The following ADARB2 variants were observed in gnomAD, a reference collection of about 807,000 sequenced individuals.
The protein encoded by ADARB2 is inactive double-stranded RNA-specific editase B2.
Under a neutral mutation model 62.2 loss-of-function variants are expected in ADARB2, and 25 were observed. The observed-to-expected ratio is 0.40, with a 90% CI of 0.29 to 0.56. ADARB2 has a LOEUF of 0.56. ADARB2 is among the 20% of genes least tolerant of loss of function. The pLI is 0.43. For missense variants in ADARB2, 1,071 were observed against 1,077.4 expected (o/e 0.99, Z 0.08); for synonymous variants, 572 against 500.8 (o/e 1.14, Z -1.90).
intron 1 of ADARB2, among the ~76,000 whole-genome samples, chr10:1,710,658 C>T (rs531402663): frequency 6.6e-6 from 1 of 152,374 alleles, no homozygotes; most frequent in African/African-American, 2.4e-5. Flanking sequence ...TCACACCACA[C>T]TACCATCAGC....
intron 3 of ADARB2, among the ~76,000 whole-genome samples, chr10:1,322,994 A>G (rs1831808583): frequency 6.6e-6 from 1 of 152,220 alleles, no homozygotes; most frequent in Admixed American, 6.5e-5. Context: ...ACTTACTACA[A>G]TGGTGTTATT....
chr10:1,556,616 G>A (rs769504585), intron 1 of ADARB2: 4 of 515,814 alleles, frequency 7.8e-6, no homozygotes, highest in East Asian at 5.7e-5. Context: ...TGCAGCTGTC[G>A]AGGATGCCCT....
At chr10:1,669,871 TACAC>T (rs1278638218) in intron 1 of ADARB2, among the ~76,000 whole-genome samples, 1 of 131,982 alleles carries the variant, frequency 7.6e-6, no homozygotes, top group Non-Finnish European at 1.6e-5. Flanking sequence ...CAGACACAAA[TACAC>T]ACAGACACAC....
chr10:1,463,483 T>C (rs1831204576), intron 1 of ADARB2, among the ~76,000 whole-genome samples: 1 of 152,210 alleles, frequency 6.6e-6, no homozygotes. Flanking sequence ...CTAAAGTGGT[T>C]AACCCGGGCT....
At position 1,433,391 on chromosome 10, in the gene ADARB2, G is replaced by A. The variant is rs138976884; in HGVS notation, c.101-54231C>T. ...GTGACTGATTTTAAAGTGATCTCAG[G>A]GAAGAATAGGAAAAGGCAGAGAGTA... On this transcript the variant is annotated intron_variant, in intron 1 of 9. Coordinates refer to ENST00000381312, the MANE Select transcript of ADARB2 (RefSeq NM_018702.4). Among the ~76,000 whole-genome samples, 155 of 152,284 alleles carry A rather than the reference G, an allele frequency of 1.0e-3. 1 individual carries two copies. Among genetic ancestry groups the A allele is most frequent in the African/African-American group, 3.7e-3 (152 of 41,568 alleles).
At chr10:1,583,033 A>G (rs1423875945) in intron 1 of ADARB2, among the ~76,000 whole-genome samples, 2 of 152,208 alleles carry the variant, frequency 1.3e-5, no homozygotes, top group East Asian at 1.9e-4. Context: ...GTTGTCACCA[A>G]TATTGCTCTT....
chr10:1,578,606 A>G (rs1373295893), intron 1 of ADARB2, among the ~76,000 whole-genome samples: 5 of 151,856 alleles, frequency 3.3e-5, no homozygotes, highest in African/African-American at 4.8e-5. Context: ...GGGTACCCAA[A>G]TCCTTGGCTG....
chr10:1,590,355 C>G (rs4880883), intron 1 of ADARB2, among the ~76,000 whole-genome samples: 3 of 152,032 alleles, frequency 2.0e-5, no homozygotes, highest in Non-Finnish European at 4.4e-5. Flanking sequence ...CTCCATATGA[C>G]GAAGTTCATT....
intron 8 of ADARB2, among the ~76,000 whole-genome samples, chr10:1,195,241 T>G (rs1205444013): frequency 6.6e-6 from 1 of 152,164 alleles, no homozygotes; most frequent in Non-Finnish European, 1.5e-5. Context: ...GCACTCTCCT[T>G]GGTGCCACCA....
At chr10:1,315,586 C>T (rs564414522) in intron 3 of ADARB2, among the ~76,000 whole-genome samples, 28 of 152,334 alleles carry the variant, frequency 1.8e-4, no homozygotes, top group Non-Finnish European at 3.1e-4. Context: ...AGGGGCTCCT[C>T]GGAAGCCAGG....
chr10:1,247,156 TTG>T (rs1461323425), intron 4 of ADARB2, among the ~76,000 whole-genome samples: 4 of 152,236 alleles, frequency 2.6e-5, no homozygotes, highest in Non-Finnish European at 4.4e-5. Flanking sequence ...ATAAGAATGC[TTG>T]TGATTTTTGT....
chr10:1,236,404 G>T (rs1352182396), intron 5 of ADARB2, among the ~76,000 whole-genome samples: 1 of 1,312 alleles, frequency 7.6e-4, no homozygotes, highest in Non-Finnish European at 1.0e-3. Context: ...CTCCCCCTCT[G>T]CCTCCCGGTG....
intron 3 of ADARB2, among the ~76,000 whole-genome samples, chr10:1,319,694 CCT>C (rs200626244): frequency 0.039 from 6,009 of 152,194 alleles, 133 homozygotes; most frequent in South Asian, 0.082. Context: ...TGCATGTTTC[CCT>C]CTTTGTCTTG....
intron 1 of ADARB2, among the ~76,000 whole-genome samples, chr10:1,623,375 A>G (rs934733541): frequency 2.0e-5 from 3 of 152,254 alleles, no homozygotes; most frequent in Admixed American, 2.0e-4. Context: ...ATGCTGCAAC[A>G]AATACATGAA....
At chr10:1,407,054 A>C (rs1832713206) in intron 1 of ADARB2, among the ~76,000 whole-genome samples, 1 of 152,220 alleles carries the variant, frequency 6.6e-6, no homozygotes, top group South Asian at 2.1e-4. Flanking sequence ...GGCATCCATA[A>C]AGCCCACTTA....
At chr10:1,730,601 A>T (rs1472435288) in intron 1 of ADARB2, among the ~76,000 whole-genome samples, 10 of 151,830 alleles carry the variant, frequency 6.6e-5, no homozygotes, top group Admixed American at 1.3e-4. Flanking sequence ...AAATTTCCTT[A>T]AAATCTAAGT....
intron 3 of ADARB2, 125 bp downstream of exon 3, chr10:1,362,903 C>T: frequency 1.1e-6 from 1 of 943,322 alleles, no homozygotes; most frequent in Non-Finnish European, 1.4e-6. Context: ...CATTCTTTCC[C>T]CTCCCGCTCC....
chr10:1,553,212 A>G (rs74868098), intron 1 of ADARB2, among the ~76,000 whole-genome samples: 3,486 of 152,354 alleles, frequency 0.023, 145 homozygotes, highest in African/African-American at 0.08. Flanking sequence ...GTGCTGGTAC[A>G]ATATATGCGG....
chr10:1,318,119 T>C (rs988241854), intron 3 of ADARB2, among the ~76,000 whole-genome samples: 1 of 152,226 alleles, frequency 6.6e-6, no homozygotes, highest in Non-Finnish European at 1.5e-5. Flanking sequence ...TATACTATAC[T>C]TTTGTTAGAC....
Sources: allele counts gnomAD v4.1 joint callset (sites outside exome capture counted in the v4.1 genomes callset), GRCh38; gene constraint gnomAD v4.1.1; transcripts MANE v1.5; gene names NCBI Gene and HGNC (gene_info 2026-07-23, HGNC 2026-07-21).